The following PRKCQ variants were observed in gnomAD, a reference collection of about 807,000 sequenced individuals.
PRKCQ encodes protein kinase C theta.
PRKCQ carries 41 observed loss-of-function variants against 91.2 expected under a neutral mutation model. The ratio of observed to expected loss-of-function variants is 0.45; its 90% CI spans 0.35 to 0.58. The LOEUF is 0.58. Ranked by LOEUF, PRKCQ falls within the 20% of genes least tolerant of loss-of-function variation. The pLI is 0.00. For synonymous variants in PRKCQ, 307 were observed against 316.9 expected (o/e 0.97, Z 0.33); for missense variants, 673 against 896.5 (o/e 0.75, Z 3.18).
chr10:6,464,247 G>GA lies in PRKCQ; in HGVS notation c.1445+65dup, dbSNP rs199923014. On this transcript the variant is annotated intron_variant, in intron 13 of 17. Coordinates refer to ENST00000263125, the MANE Select transcript of PRKCQ (RefSeq NM_006257.5). Reference sequence around the variant, plus strand: ...TCAGGCATGCCAAGTGGGAAAAAAGGAAAAAAAAACCAGCAAGAACTGACA... The same window carrying GA: ...TCAGGCATGCCAAGTGGGAAAAAAGGAAAAAAAAAACCAGCAAGAACTGACA... The GA allele has an allele frequency of 3.1e-3, 4,283 of 1,400,674 alleles. 8 individuals carry two copies. Among genetic ancestry groups the GA allele is most frequent in the African/African-American group, 0.013 (888 of 68,190 alleles). The allele number at this position is 1,400,674 out of a possible 1,614,324, so 86.8% of individuals were successfully genotyped here. A position where few individuals can be genotyped will look rare whatever the true frequency, so the allele number is the denominator to read the frequency against.
At chr10:6,556,287 C>T (rs1174867346) in intron 1 of PRKCQ, among the ~76,000 whole-genome samples, 2 of 151,876 alleles carry the variant, frequency 1.3e-5, no homozygotes, top group Non-Finnish European at 2.9e-5. Flanking sequence ...AAGAAACCAG[C>T]TGGGTGCAGT....
intron 11 of PRKCQ, 69 bp from the exon 12 acceptor site, chr10:6,479,234 G>C: frequency 6.4e-7 from 1 of 1,555,200 alleles, no homozygotes; most frequent in Non-Finnish European, 8.8e-7. Context: ...AAGAGACAGA[G>C]TCCTGAGAGA....
At chr10:6,490,453 T>C (rs1379265283) in intron 8 of PRKCQ, among the ~76,000 whole-genome samples, 1 of 151,494 alleles carries the variant, frequency 6.6e-6, no homozygotes, top group Non-Finnish European at 1.5e-5. Context: ...TCACCAGGCA[T>C]GGTGACTCAC....
rs114511127 is a variant in PRKCQ at position 6,567,197 on chromosome 10, A to G, written c.-10+13014T>C. On this transcript the variant is annotated intron_variant, in intron 1 of 17. Coordinates refer to ENST00000263125, the MANE Select transcript of PRKCQ (RefSeq NM_006257.5). ...GACACAGGAAGCAGAAAGTCAGTCC[A>G]CACATCAGAGGCGACTTGGAAAAGC... Among the ~76,000 whole-genome samples, 425 of 152,368 alleles carry G rather than the reference A, an allele frequency of 2.8e-3. 1 individual carries two copies. Among genetic ancestry groups the G allele is most frequent in the African/African-American group, 9.5e-3 (396 of 41,594 alleles).
At chr10:6,422,615 T>C (rs1285726794), downstream of PRKCQ, among the ~76,000 whole-genome samples, 1 of 152,010 alleles carries the variant, frequency 6.6e-6, no homozygotes, top group Non-Finnish European at 1.5e-5. Context: ...TCGTCAGGGG[T>C]TAAATGAGGT....
chr10:6,491,260 G>A (rs1837278800), intron 8 of PRKCQ, among the ~76,000 whole-genome samples: 1 of 152,196 alleles, frequency 6.6e-6, no homozygotes, highest in African/African-American at 2.4e-5. Flanking sequence ...ATGACAGAAA[G>A]AATCTTACTG....
At chr10:6,431,257 C>T (rs770436673) in intron 16 of PRKCQ, among the ~76,000 whole-genome samples, 6 of 152,158 alleles carry the variant, frequency 3.9e-5, no homozygotes, top group Non-Finnish European at 5.9e-5. Flanking sequence ...AGCCAAGTGC[C>T]CTCCTAACAG....
rs1837738738 is a variant in PRKCQ at position 6,498,504 on chromosome 10, C to T, written c.434G>A (p.Arg145His). The change falls in exon 5 of 18, where the codon CGC becomes CAC. Residue 145 changes from arginine (R) to histidine (H), a missense_variant. Arg to His is a conservative substitution (Grantham distance 29). Coordinates refer to ENST00000263125, the MANE Select transcript of PRKCQ (RefSeq NM_006257.5). ...ETEGFFALHQ[R>H]RGAIKQAKVH... is the part of the protein sequence containing the mutation. ...CTTTGCCTGCTTGATGGCACCCCGG[C>T]GCTGATGCAAAGCAAAGAAGCCTTC... is the stretch of plus-strand genomic sequence containing the variant. 6.2e-7 allele frequency: 1 copy of T among 1,614,104 alleles called. No homozygotes were observed. Among genetic ancestry groups the T allele is most frequent in the East Asian group, 2.2e-5 (1 of 44,872 alleles).
intron 4 of PRKCQ, among the ~76,000 whole-genome samples, chr10:6,506,159 G>A (rs1289987553): frequency 6.6e-6 from 1 of 152,084 alleles, no homozygotes; most frequent in African/African-American, 2.4e-5. Context: ...CCTTCCAAGA[G>A]GAAAAATAAA....
intron 1 of PRKCQ, among the ~76,000 whole-genome samples, chr10:6,570,135 T>C (rs917492160): frequency 1.3e-5 from 2 of 151,934 alleles, no homozygotes. Context: ...TCACGGCACA[T>C]CTGGTTGCAG....
At chr10:6,498,950 T>G (rs1318888466) in intron 4 of PRKCQ, among the ~76,000 whole-genome samples, 1 of 152,188 alleles carries the variant, frequency 6.6e-6, no homozygotes, top group African/African-American at 2.4e-5. Flanking sequence ...GGCAAAGGCT[T>G]TCCTGTCTGT....
intron 12 of PRKCQ, among the ~76,000 whole-genome samples, chr10:6,464,981 C>A (rs1835569131): frequency 6.6e-6 from 1 of 152,024 alleles, no homozygotes; most frequent in Non-Finnish European, 1.5e-5. Context: ...GCGGGGGGCA[C>A]AAGGGAGAGT....
chr10:6,475,491 C>G (rs976246882), intron 12 of PRKCQ, among the ~76,000 whole-genome samples: 2 of 152,086 alleles, frequency 1.3e-5, no homozygotes, highest in African/African-American at 4.8e-5. Context: ...TCCAAATGAC[C>G]CTAATTAATA....
chr10:6,574,363 C>G (rs1418922592), intron 1 of PRKCQ, among the ~76,000 whole-genome samples: 1 of 152,214 alleles, frequency 6.6e-6, no homozygotes, highest in Non-Finnish European at 1.5e-5. Context: ...AGAAAAGGAT[C>G]AAACTCCTTC....
At chr10:6,569,117 A>G (rs891932710) in intron 1 of PRKCQ, among the ~76,000 whole-genome samples, 52 of 152,338 alleles carry the variant, frequency 3.4e-4, no homozygotes, top group African/African-American at 1.2e-3. Flanking sequence ...ATTCTAAAAT[A>G]TATGACTCAT....
rs764626237 is a variant in PRKCQ at position 6,491,723 on chromosome 10, G to T, written c.750C>A (p.Thr250=). 1 of 1,614,156 alleles carries T rather than the reference G, an allele frequency of 6.2e-7. No homozygotes were observed. The part of the protein sequence containing the change: ...KSPTFCEHCG[T]LLWGLARQGL... The stretch of plus-strand genomic sequence containing the variant: ...CTTGCCGTGCCAGTCCCCACAGCAG[G>T]GTCCCACAGTGTTCACAGAAGGTCG... Residue 250 remains threonine (T), a synonymous_variant, in exon 8 of 18, where the codon ACC becomes ACA. Transcript: ENST00000263125.
chr10:6,520,016 T>G (rs1339144453), intron 1 of PRKCQ, among the ~76,000 whole-genome samples: 1 of 152,218 alleles, frequency 6.6e-6, no homozygotes, highest in Non-Finnish European at 1.5e-5. Flanking sequence ...GGTGGTCTAT[T>G]GTGTAACACA....
chr10:6,517,651 C>A (rs975403687), intron 1 of PRKCQ, among the ~76,000 whole-genome samples: 5 of 119,104 alleles, frequency 4.2e-5, no homozygotes, highest in Admixed American at 3.4e-4. Flanking sequence ...AGGGATACTG[C>A]ATCAGACTGG....
rs1273837598 is a variant in PRKCQ, at chr10:6,428,073, GGGC to G, written c.*131_*133del. The G allele has an allele frequency of 1.8e-6, 2 of 1,109,584 alleles. No homozygotes were observed. The highest frequency in any genetic ancestry group is 3.1e-5 in the African/African-American group (2 of 63,684). The allele number at this position is 1,109,584 out of a possible 1,614,324, so 68.7% of individuals were successfully genotyped here. On this transcript the variant is annotated 3_prime_UTR_variant, in exon 18 of 18. Coordinates refer to ENST00000263125, the MANE Select transcript of PRKCQ (RefSeq NM_006257.5). ...TCTGCTACAGATAAAAGTCACATGG[GGGC>G]GAACGGGTCTCAGTCTTTATTGTTG...
Sources: allele counts gnomAD v4.1 joint callset (sites outside exome capture counted in the v4.1 genomes callset), GRCh38; gene constraint gnomAD v4.1.1; transcripts MANE v1.5; gene names NCBI Gene and HGNC (gene_info 2026-07-23, HGNC 2026-07-21).